The following PCCA variants were observed in gnomAD, a reference collection of about 807,000 sequenced individuals.
PCCA encodes the protein propionyl-CoA carboxylase alpha chain, mitochondrial.
In PCCA, 74 loss-of-function variants were observed where a neutral mutation model predicts 101.3. That is an observed-to-expected ratio of 0.73 (90% CI 0.61 to 0.89). The LOEUF is 0.89. Ranked by LOEUF, PCCA falls within the 40% of genes least tolerant of loss-of-function variation. The pLI is 0.00. For synonymous variants in PCCA, 294 were observed against 313.6 expected (o/e 0.94, Z 0.66); for missense variants, 891 against 907.0 (o/e 0.98, Z 0.23).
At chr13:100,171,509 G>A (rs1017438438) in intron 6 of PCCA, among the ~76,000 whole-genome samples, 1 of 152,162 alleles carries the variant, frequency 6.6e-6, no homozygotes. Flanking sequence ...TTTAGCCTTA[G>A]TATAATTACT....
intron 11 of PCCA, 86 bp downstream of exon 11, chr13:100,268,869 G>A: frequency 1.0e-6 from 1 of 959,264 alleles, no homozygotes; most frequent in Non-Finnish European, 1.7e-6. Context: ...ACTGACGCAT[G>A]CATTCAGAGA....
intron 6 of PCCA, among the ~76,000 whole-genome samples, chr13:100,170,275 G>A (rs556294607): frequency 6.6e-6 from 1 of 152,314 alleles, no homozygotes; most frequent in East Asian, 1.9e-4. Flanking sequence ...TTTTGTTCTA[G>A]TGAAGGAAGT....
rs778705475 is a variant in PCCA at position 100,505,305 on chromosome 13, A to G, written c.1900-10122A>G. 8.5e-5 allele frequency among the ~76,000 whole-genome samples: 13 copies of G among 152,212 alleles called. 1 individual carries two copies. Among genetic ancestry groups the G allele is most frequent in the Non-Finnish European group, 1.6e-4 (11 of 68,016 alleles). On this transcript the variant is annotated intron_variant, in intron 21 of 23. Coordinates refer to ENST00000376285, the MANE Select transcript of PCCA (RefSeq NM_000282.4). ...TACATTGCCCAGATATGCTCGATAA[A>G]TGGTTTTTGAATGAATTAACCAAAC...
At chr13:100,178,255 C>G (rs990764823) in intron 6 of PCCA, among the ~76,000 whole-genome samples, 2 of 152,168 alleles carry the variant, frequency 1.3e-5, no homozygotes, top group African/African-American at 2.4e-5. Context: ...GGCAAATGAT[C>G]TAATAGTTTT....
chr13:100,126,993 C>T (rs1051536947), intron 4 of PCCA, among the ~76,000 whole-genome samples: 1 of 152,080 alleles, frequency 6.6e-6, no homozygotes, highest in African/African-American at 2.4e-5. Context: ...CAACCAAGAC[C>T]CTCCCATGGG....
At chr13:100,259,329 GTTTTTTTTT>G (rs5806157) in intron 9 of PCCA, among the ~76,000 whole-genome samples, 3 of 65,338 alleles carry the variant, frequency 4.6e-5, no homozygotes, top group Non-Finnish European at 5.6e-5. Context: ...AAATGTAATG[GTTTTTTTTT>G]TTTTTTTTTT....
intron 1 of PCCA, among the ~76,000 whole-genome samples, chr13:100,098,196 C>G (rs1473496769): frequency 6.6e-6 from 1 of 151,658 alleles, no homozygotes; most frequent in East Asian, 1.9e-4. Flanking sequence ...TAGTGAGACC[C>G]CCATCTCTTA....
rs369711445 is a variant in PCCA, at chr13:100,318,253, A to G, written c.1429+8345A>G. ...TCTCTCCTTTGCTCATACTCAGACC[A>G]TGGTGTTTTCCTTTCATTCCTCTCC... On this transcript the variant is annotated intron_variant, in intron 16 of 23. Coordinates refer to ENST00000376285, the MANE Select transcript of PCCA (RefSeq NM_000282.4). 4.6e-5 allele frequency among the ~76,000 whole-genome samples: 7 copies of G among 152,054 alleles called. No individual in the cohort carries two copies. In the East Asian group the frequency reaches 7.7e-4, roughly 17 times the overall value.
chr13:100,160,518 AAAAG>A (rs1029660065), intron 6 of PCCA, among the ~76,000 whole-genome samples: 5 of 152,140 alleles, frequency 3.3e-5, no homozygotes, highest in Middle Eastern at 3.4e-3. Flanking sequence ...GAAAAAAAAA[AAAAG>A]ATCATGTCTT....
chr13:100,504,826 G>A (rs527545703), intron 21 of PCCA, among the ~76,000 whole-genome samples: 8 of 152,222 alleles, frequency 5.3e-5, no homozygotes, highest in Non-Finnish European at 8.8e-5. Context: ...CCAACTACTC[G>A]GGAGGCTGAG....
intron 7 of PCCA, among the ~76,000 whole-genome samples, chr13:100,228,599 T>C (rs986448803): frequency 1.3e-5 from 2 of 151,996 alleles, no homozygotes; most frequent in African/African-American, 4.8e-5. Flanking sequence ...ATTTATTTTA[T>C]ATAAATAAAG....
At chr13:100,458,148 A>G (rs992664175) in intron 21 of PCCA, among the ~76,000 whole-genome samples, 4 of 152,046 alleles carry the variant, frequency 2.6e-5, no homozygotes, top group Admixed American at 2.6e-4. Context: ...TCCAAGCATA[A>G]GGTCTTTTTC....
At chr13:100,365,681 T>C (rs2075091488) in intron 18 of PCCA, among the ~76,000 whole-genome samples, 1 of 152,204 alleles carries the variant, frequency 6.6e-6, no homozygotes, top group Non-Finnish European at 1.5e-5. Flanking sequence ...AATCCAAAGT[T>C]TCTATAAAGA....
chr13:100,196,002 T>C (rs2058084221), intron 6 of PCCA, among the ~76,000 whole-genome samples: 1 of 152,038 alleles, frequency 6.6e-6, no homozygotes, highest in Admixed American at 6.6e-5. Flanking sequence ...ACAAAAGAAA[T>C]GGAAAACACT....
intron 16 of PCCA, among the ~76,000 whole-genome samples, chr13:100,329,709 G>A (rs2069256241): frequency 6.6e-6 from 1 of 152,102 alleles, no homozygotes; most frequent in African/African-American, 2.4e-5. Flanking sequence ...GATTTTATAT[G>A]ACAACCAGCG....
At chr13:100,491,396 T>TGAAA (rs2084897871) in intron 21 of PCCA, 1 of 189,672 alleles carries the variant, frequency 5.3e-6, no homozygotes, top group Non-Finnish European at 1.1e-5. Context: ...CTGTTTTCAT[T>TGAAA]TCTGCCTTTT....
chr13:100,239,262 A>G (rs1256755265), intron 8 of PCCA, among the ~76,000 whole-genome samples: 1 of 152,242 alleles, frequency 6.6e-6, no homozygotes, highest in Non-Finnish European at 1.5e-5. Flanking sequence ...TCAAGGTCAC[A>G]GAACTATCGA....
At chr13:100,361,250 A>C (rs2074550954) in intron 18 of PCCA, among the ~76,000 whole-genome samples, 1 of 152,030 alleles carries the variant, frequency 6.6e-6, no homozygotes, top group Non-Finnish European at 1.5e-5. Flanking sequence ...AAACCCACAG[A>C]ATGTATAACA....
At chr13:100,198,879 A>G (rs1333705411) in intron 6 of PCCA, among the ~76,000 whole-genome samples, 1 of 151,644 alleles carries the variant, frequency 6.6e-6, no homozygotes, top group African/African-American at 2.4e-5. Flanking sequence ...ATCTTTACTG[A>G]AGCATCCCAG....
Sources: gnomAD v4.1 joint callset for allele counts (sites outside exome capture counted in the v4.1 genomes callset) on GRCh38, gnomAD v4.1.1 for gene constraint, MANE v1.5 for transcripts, NCBI Gene and HGNC (gene_info 2026-07-23, HGNC 2026-07-21) for gene names.